ITPR1: variants seen among roughly 807,000 people sequenced by gnomAD.
ITPR1 encodes inositol 1,4,5-trisphosphate receptor type 1.
Under a neutral mutation model 318.4 loss-of-function variants are expected in ITPR1, and 96 were observed. The ratio of observed to expected loss-of-function variants is 0.30; its 90% CI spans 0.26 to 0.36. ITPR1 has a LOEUF of 0.36. ITPR1 is among the 10% of genes least tolerant of loss of function. ITPR1 has a pLI of 1.00. For synonymous variants in ITPR1, 1,312 were observed against 1,289.9 expected (o/e 1.02, Z -0.37); for missense variants, 2,440 against 3,460.2 (o/e 0.71, Z 7.40).
intron 4 of ITPR1, among the ~76,000 whole-genome samples, chr3:4,573,110 G>A (rs921440845): frequency 1.3e-5 from 2 of 151,994 alleles, no homozygotes; most frequent in East Asian, 3.8e-4. Context: ...TACCAGAACC[G>A]GAATTACTAG....
intron 4 of ITPR1, among the ~76,000 whole-genome samples, chr3:4,617,281 T>A (rs1402333704): frequency 6.6e-6 from 1 of 152,122 alleles, no homozygotes; most frequent in Non-Finnish European, 1.5e-5. Flanking sequence ...CAGAAACTTG[T>A]TGGCTCACAG....
intron 37 of ITPR1, among the ~76,000 whole-genome samples, chr3:4,708,054 G>C (rs557650268): frequency 6.6e-6 from 1 of 152,246 alleles, no homozygotes; most frequent in South Asian, 2.1e-4. Flanking sequence ...TTCTGATGAG[G>C]AAACTAATTT....
chr3:4,642,364 T>G, intron 7 of ITPR1, 113 bp downstream of exon 7: 1 of 745,612 alleles, frequency 1.3e-6, no homozygotes, highest in African/African-American at 1.8e-5. Flanking sequence ...TTGTCCTGTG[T>G]AAAGAGAAGG....
At chr3:4,745,068 G>T (rs1388540816) in intron 44 of ITPR1, among the ~76,000 whole-genome samples, 16 of 52,032 alleles carry the variant, frequency 3.1e-4, no homozygotes, top group South Asian at 6.0e-4. Context: ...CTCTTTCTGT[G>T]TTTTCTTTCT....
intron 44 of ITPR1, among the ~76,000 whole-genome samples, chr3:4,745,300 C>T (rs1471268370): frequency 1.3e-5 from 2 of 152,044 alleles, no homozygotes; most frequent in African/African-American, 2.4e-5. Context: ...CCAGGATGTA[C>T]TCCATCACCC....
At chr3:4,567,056 A>G (rs2087366846) in intron 4 of ITPR1, among the ~76,000 whole-genome samples, 1 of 152,196 alleles carries the variant, frequency 6.6e-6, no homozygotes. Flanking sequence ...TCTTTACCTC[A>G]GTTTCCCCAT....
In ITPR1 at chr3:4,673,825, G is replaced by A. The variant is rs562565641; in HGVS notation, c.2457-377G>A. Reference sequence around the variant, plus strand: ...TCTCGATCTCCTGACCTTGTGAGCCGTCCACCTCGGCCTCCCAAAGTGCTG... The same window carrying A: ...TCTCGATCTCCTGACCTTGTGAGCCATCCACCTCGGCCTCCCAAAGTGCTG... On this transcript the variant is annotated intron_variant, in intron 21 of 61. Transcript: ENST00000649015. 4.6e-5 allele frequency among the ~76,000 whole-genome samples: 7 copies of A among 152,178 alleles called. No homozygotes were observed. In the East Asian group the frequency reaches 7.7e-4, roughly 17 times the overall value.
intron 40 of ITPR1, among the ~76,000 whole-genome samples, chr3:4,721,884 C>T (rs1233946655): frequency 6.6e-6 from 1 of 152,190 alleles, no homozygotes; most frequent in African/African-American, 2.4e-5. Flanking sequence ...GTTGTGCAGA[C>T]ACCAGAAATA....
At chr3:4,526,416 T>A (rs2082981654) in intron 4 of ITPR1, among the ~76,000 whole-genome samples, 1 of 152,208 alleles carries the variant, frequency 6.6e-6, no homozygotes, top group South Asian at 2.1e-4. Flanking sequence ...CATCATAGTC[T>A]AATCTAAGCA....
intron 60 of ITPR1, among the ~76,000 whole-genome samples, chr3:4,830,043 G>A (rs941825801): frequency 1.0e-4 from 14 of 133,848 alleles, no homozygotes; most frequent in South Asian, 9.8e-4. Context: ...GCACCATCTC[G>A]GCTCACTGCA....
intron 61 of ITPR1, among the ~76,000 whole-genome samples, chr3:4,845,818 A>G (rs2051728906): frequency 6.6e-6 from 1 of 152,206 alleles, no homozygotes; most frequent in African/African-American, 2.4e-5. Context: ...CCATTTTCCA[A>G]TGAGTCTTCA....
At chr3:4,818,591 T>C (rs1182356578) in intron 60 of ITPR1, among the ~76,000 whole-genome samples, 1 of 152,164 alleles carries the variant, frequency 6.6e-6, no homozygotes, top group Non-Finnish European at 1.5e-5. Context: ...ATAGTGCTTT[T>C]TTCCCCTTTC....
intron 4 of ITPR1, among the ~76,000 whole-genome samples, chr3:4,594,517 T>C (rs1431872474): frequency 6.6e-6 from 1 of 152,172 alleles, no homozygotes; most frequent in African/African-American, 2.4e-5. Flanking sequence ...GAGAGCCAAA[T>C]CCCTTGTCTC....
At chr3:4,746,778 A>G (rs753474313) in intron 44 of ITPR1, among the ~76,000 whole-genome samples, 4 of 152,248 alleles carry the variant, frequency 2.6e-5, no homozygotes, top group Non-Finnish European at 4.4e-5. Flanking sequence ...GAAGGCACTC[A>G]GCTCAGCATG....
chr3:4,806,686 A>T (rs1236111018), intron 55 of ITPR1, among the ~76,000 whole-genome samples: 1 of 152,200 alleles, frequency 6.6e-6, no homozygotes, highest in African/African-American at 2.4e-5. Context: ...CGACCATAAG[A>T]GTAGGAGCTA....
chr3:4,740,420 C>T (rs1228730174), intron 44 of ITPR1, among the ~76,000 whole-genome samples: 1 of 152,174 alleles, frequency 6.6e-6, no homozygotes, highest in Non-Finnish European at 1.5e-5. Context: ...TCACAGCACT[C>T]CAGAAATTCT....
chr3:4,579,977 G>A (rs767254514), intron 4 of ITPR1, among the ~76,000 whole-genome samples: 4 of 152,150 alleles, frequency 2.6e-5, no homozygotes, highest in African/African-American at 9.7e-5. Flanking sequence ...TTGGGAGGCC[G>A]AGACGGGTGG....
intron 60 of ITPR1, among the ~76,000 whole-genome samples, chr3:4,830,038 A>G (rs553869547): frequency 2.3e-5 from 3 of 127,964 alleles, no homozygotes; most frequent in Non-Finnish European, 3.1e-5. Flanking sequence ...CATTGGCACC[A>G]TCTCGGCTCA....
At chr3:4,843,074 G>GTTTTTTTTT (rs11404208) in intron 61 of ITPR1, among the ~76,000 whole-genome samples, 1 of 105,448 alleles carries the variant, frequency 9.5e-6, no homozygotes, top group East Asian at 3.2e-4. Context: ...GTTTTGAGGG[G>GTTTTTTTTT]TTTTTTTTTT....
Sources: gnomAD v4.1 joint callset for allele counts (sites outside exome capture counted in the v4.1 genomes callset) on GRCh38, gnomAD v4.1.1 for gene constraint, MANE v1.5 for transcripts, NCBI Gene and HGNC (gene_info 2026-07-23, HGNC 2026-07-21) for gene names.